The following RYR3 variants were observed in gnomAD, a reference collection of about 807,000 sequenced individuals.
RYR3 encodes ryanodine receptor 3, also known as brain ryanodine receptor-calcium release channel.
Under a neutral mutation model 584.3 loss-of-function variants are expected in RYR3, and 207 were observed. The ratio of observed to expected loss-of-function variants is 0.35; its 90% confidence interval spans 0.32 to 0.40. RYR3 has a LOEUF of 0.40. RYR3 is among the 10% of genes least tolerant of loss of function. The pLI, the probability that RYR3 is intolerant of heterozygous loss-of-function variation, is 1.00. For synonymous variants in RYR3, 2,416 were observed against 2,248.5 expected, an observed-to-expected ratio of 1.07 and a Z score of -2.11; for missense variants, 5,616 against 6,089.2, an observed-to-expected ratio of 0.92 and a Z score of 2.59.
In RYR3 at chr15:33,729,077, G is replaced by A. The variant is rs2068710892; in HGVS notation, c.7203+51G>A. Reference sequence around the variant, plus strand: ...TATTGTTCCCATCATTGTGAAATTAGTAATGTTGGACTTCGAAGCAAATAT... The same window carrying A: ...TATTGTTCCCATCATTGTGAAATTAATAATGTTGGACTTCGAAGCAAATAT... On this transcript the variant is annotated intron_variant, in intron 47 of 103. Coordinates refer to ENST00000634891, the MANE Select transcript of RYR3 (RefSeq NM_001036.6). 10 of 1,492,390 alleles carry A rather than the reference G, an allele frequency of 6.7e-6. 1 individual carries two copies. In the Admixed American group the frequency reaches 1.7e-4, roughly 25 times the overall value. The allele number at this position is 1,492,390 out of a possible 1,614,324, so 92.4% of individuals were successfully genotyped here.
At chr15:33,848,910 A>G (rs1039929515) in intron 94 of RYR3, 1 of 134,770 alleles carries the variant, frequency 7.4e-6, no homozygotes, top group African/African-American at 2.9e-5. Context: ...ATCTCAGCTC[A>G]CTGCAAGCTC....
intron 62 of RYR3, among the ~76,000 whole-genome samples, chr15:33,769,607 G>A (rs1396390567): frequency 1.3e-5 from 2 of 152,126 alleles, no homozygotes; most frequent in Non-Finnish European, 2.9e-5. Flanking sequence ...TTGGGAAGAA[G>A]TCTTAAAAAA....
At chr15:33,573,935 A>G (rs899713180) in intron 12 of RYR3, among the ~76,000 whole-genome samples, 1 of 152,222 alleles carries the variant, frequency 6.6e-6, no homozygotes, top group Admixed American at 6.5e-5. Flanking sequence ...AATCTGCCTT[A>G]GTCTAGTGGA....
chr15:33,713,384 G>T (rs1256401639), intron 43 of RYR3, among the ~76,000 whole-genome samples: 1 of 151,988 alleles, frequency 6.6e-6, no homozygotes, highest in Non-Finnish European at 1.5e-5. Context: ...GTGGTGGTTA[G>T]TGAAGGTAGA....
At chr15:33,446,868 A>C (rs755491524) in intron 1 of RYR3, among the ~76,000 whole-genome samples, 2 of 152,196 alleles carry the variant, frequency 1.3e-5, no homozygotes, top group Non-Finnish European at 2.9e-5. Flanking sequence ...CTTCTCTTAC[A>C]TATATTGTAG....
At chr15:33,648,057 A>G (rs781671185) in intron 30 of RYR3, among the ~76,000 whole-genome samples, 17 of 151,808 alleles carry the variant, frequency 1.1e-4, no homozygotes, top group African/African-American at 1.7e-4. Context: ...TTATCCAACA[A>G]TCCTGAATTT....
At chr15:33,750,087 C>G (rs376307066) in intron 56 of RYR3, 33 bp downstream of exon 56, 9 of 1,608,254 alleles carry the variant, frequency 5.6e-6, no homozygotes, top group Non-Finnish European at 6.8e-6. Context: ...CCTAAAGAAG[C>G]TGAACCGGGG....
At chr15:33,569,239 T>C (rs1033156765) in intron 12 of RYR3, among the ~76,000 whole-genome samples, 4 of 152,218 alleles carry the variant, frequency 2.6e-5, no homozygotes, top group Non-Finnish European at 4.4e-5. Flanking sequence ...GAGTCACATA[T>C]AAATTTGTAT....
intron 93 of RYR3, among the ~76,000 whole-genome samples, chr15:33,845,930 G>T (rs2078698069): frequency 6.6e-6 from 1 of 152,184 alleles, no homozygotes; most frequent in South Asian, 2.1e-4. Context: ...GCACATTTGG[G>T]CAGTTCCTCT....
rs975023815 is a variant in RYR3 at position 33,859,673 on chromosome 15, T to G, written c.14241T>G (p.Ile4747Met). 3.1e-6 allele frequency: 5 copies of G among 1,613,826 alleles called. No homozygotes were observed. In the African/African-American group the frequency reaches 4.0e-5, roughly 13 times the overall value. The change falls in exon 100 of 104, where the codon ATT becomes ATG. Residue 4747 changes from isoleucine to methionine, a missense_variant. By Grantham distance (10) the Ile-to-Met change is conservative. Transcript: ENST00000634891. The part of the protein sequence containing the change: ...PAGDPYEMYR[I>M]VFDITFFFFV... Reference sequence around the variant, plus strand: ...GTGATCCTTATGAAATGTATCGCATTGTCTTTGACATTACCTTTTTCTTCT... The same window carrying G: ...GTGATCCTTATGAAATGTATCGCATGGTCTTTGACATTACCTTTTTCTTCT...
intron 14 of RYR3, among the ~76,000 whole-genome samples, chr15:33,582,751 T>C (rs1174559539): frequency 1.3e-5 from 2 of 152,206 alleles, no homozygotes; most frequent in Non-Finnish European, 2.9e-5. Flanking sequence ...ACTTCCTTGC[T>C]GCAACTGATC....
rs181219859 is a variant in RYR3 at position 33,638,962 on chromosome 15, G to A, written c.3556+2412G>A. Among the ~76,000 whole-genome samples the A allele has an allele frequency of 7.9e-5, 12 of 152,276 alleles. No individual in the cohort carries two copies. In the East Asian group the frequency reaches 2.3e-3, roughly 29 times the overall value. ...TGTGGAATGTATGGATGATGAAGCT[G>A]GAAAGGTAGATAAGGTGCAGATTAT... On this transcript the variant is annotated intron_variant, in intron 27 of 103. Coordinates refer to ENST00000634891, the MANE Select transcript of RYR3 (RefSeq NM_001036.6).
intron 1 of RYR3, among the ~76,000 whole-genome samples, chr15:33,464,560 A>T (rs1326712041): frequency 6.8e-6 from 1 of 148,060 alleles, no homozygotes; most frequent in Non-Finnish European, 1.5e-5. Context: ...ACAAATATAG[A>T]TAATATGTAT....
chr15:33,425,737 G>T (rs1353180097), intron 1 of RYR3, among the ~76,000 whole-genome samples: 2 of 146,834 alleles, frequency 1.4e-5, no homozygotes, highest in Non-Finnish European at 1.5e-5. Context: ...CGCCTCCCGG[G>T]TTCATGCCAT....
Position 33,785,860 on chromosome 15 carries a change from G to A in RYR3, c.9467G>A (p.Ser3156Asn). The A allele has an allele frequency of 6.2e-7, 1 of 1,613,884 alleles. No individual in the cohort carries two copies. The highest frequency in any genetic ancestry group is 8.5e-7 in the Non-Finnish European group (1 of 1,179,872). The stretch of plus-strand genomic sequence containing the variant: ...CGGGGTCCTGAGAACCTGCCCCCCA[G>A]CACAGGGCCATGCTGCACCAAGGTC... Reference protein sequence around the residue: ...WERGPENLPPSTGPCCTKVTS... With the variant: ...WERGPENLPPNTGPCCTKVTS... Residue 3156 changes from serine to asparagine, a missense_variant, in exon 66 of 104, where the codon AGC becomes AAC. Around this residue, in one of 9 missense-constraint regions of RYR3, gnomAD observed 954 missense variants for 1,132.2 expected, o/e 0.84. Coordinates refer to ENST00000634891, the MANE Select transcript of RYR3 (RefSeq NM_001036.6).
intron 45 of RYR3, among the ~76,000 whole-genome samples, chr15:33,725,195 A>ACACACACATATATACACACACACACACC (rs2068287235): frequency 6.7e-6 from 1 of 149,042 alleles, no homozygotes; most frequent in Admixed American, 6.7e-5. Context: ...ACACACACAC[A>ACACACACATATATACACACACACACACC]CACACACATA....
At chr15:33,691,571 A>C (rs1377832699) in intron 38 of RYR3, among the ~76,000 whole-genome samples, 2 of 151,990 alleles carry the variant, frequency 1.3e-5, no homozygotes, top group Non-Finnish European at 2.9e-5. Context: ...CTTATTCTTT[A>C]ATTAAAAATG....
At chr15:33,315,669 C>T (rs995296802) in intron 1 of RYR3, among the ~76,000 whole-genome samples, 1 of 152,220 alleles carries the variant, frequency 6.6e-6, no homozygotes, top group Non-Finnish European at 1.5e-5. Flanking sequence ...CACACAATAT[C>T]CCCTCCTTTC....
At chr15:33,576,251 C>T (rs1258696594) in intron 12 of RYR3, among the ~76,000 whole-genome samples, 1 of 152,198 alleles carries the variant, frequency 6.6e-6, no homozygotes, top group Non-Finnish European at 1.5e-5. Context: ...AGGAGAGACT[C>T]CTCCCGAACT....
Sources: allele counts gnomAD v4.1 joint callset (sites outside exome capture counted in the v4.1 genomes callset), GRCh38; gene constraint gnomAD v4.1.1; regional missense constraint gnomAD v4.1.1; transcripts MANE v1.5; gene names NCBI Gene and HGNC (gene_info 2026-07-23, HGNC 2026-07-21).